Variants in C12orf42 observed in about 807,000 individuals in gnomAD.
C12orf42 encodes uncharacterized protein C12orf42.
A neutral mutation model predicts 21.6 loss-of-function variants in C12orf42; 25 were observed. The observed-to-expected ratio is 1.16, with a 90% CI of 0.84 to 1.62. C12orf42 has a LOEUF of 1.62. C12orf42 is among the 40% of genes most tolerant of loss of function. The pLI, the probability that C12orf42 is intolerant of heterozygous loss-of-function variation, is 0.00. For synonymous variants in C12orf42, 174 were observed against 175.0 expected (o/e 0.99, Z 0.05); for missense variants, 483 against 459.3 (o/e 1.05, Z -0.47).
chr12:103,344,128 C>T (rs2042408874), intron 4 of C12orf42, among the ~76,000 whole-genome samples: 1 of 152,118 alleles, frequency 6.6e-6, no homozygotes, highest in Non-Finnish European at 1.5e-5. Flanking sequence ...TACAGCTGTG[C>T]AAAATCAAGT....
chr12:103,527,985 A>G, the C12orf42 span, among the ~76,000 whole-genome samples: 1 of 152,194 alleles, frequency 6.6e-6, no homozygotes, highest in South Asian at 2.1e-4. Context: ...AATTTTCACA[A>G]TAGCCATTCA....
intron 2 of C12orf42, among the ~76,000 whole-genome samples, chr12:103,447,890 T>G (rs758953130): frequency 6.6e-6 from 1 of 151,876 alleles, no homozygotes; most frequent in Non-Finnish European, 1.5e-5. Context: ...ACAAATTCAA[T>G]GCAATTCCCA....
At chr12:103,390,137 A>T (rs146178074) in intron 3 of C12orf42, among the ~76,000 whole-genome samples, 12 of 152,208 alleles carry the variant, frequency 7.9e-5, no homozygotes, top group African/African-American at 2.9e-4. Flanking sequence ...TCTGTATGTG[A>T]TATAAGAGAT....
chr12:103,134,457 T>C, the C12orf42 span, among the ~76,000 whole-genome samples: 1 of 151,898 alleles, frequency 6.6e-6, no homozygotes, highest in Non-Finnish European at 1.5e-5. Context: ...GAAAAATTCA[T>C]TAAACGAAAT....
chr12:103,153,639 C>A, the C12orf42 span, among the ~76,000 whole-genome samples: 1 of 151,778 alleles, frequency 6.6e-6, no homozygotes, highest in Non-Finnish European at 1.5e-5. Flanking sequence ...CTAGGATGAC[C>A]AAAATAAAAA....
At chr12:103,407,552 T>C (rs2048515448) in intron 2 of C12orf42, among the ~76,000 whole-genome samples, 1 of 152,188 alleles carries the variant, frequency 6.6e-6, no homozygotes, top group African/African-American at 2.4e-5. Context: ...CTTTTCTCTA[T>C]CTTACTTTAA....
chr12:103,394,210 G>A (rs1339959480), intron 3 of C12orf42, among the ~76,000 whole-genome samples: 1 of 152,196 alleles, frequency 6.6e-6, no homozygotes. Flanking sequence ...TCAGAGAGGA[G>A]ATTGAGAATG....
chr12:103,221,730 C>A, the C12orf42 span, among the ~76,000 whole-genome samples: 23 of 152,294 alleles, frequency 1.5e-4, no homozygotes, highest in African/African-American at 5.5e-4. Flanking sequence ...ACAAACCCAT[C>A]CTTCAGTAAG....
chr12:103,532,337 C>G, the C12orf42 span, among the ~76,000 whole-genome samples: 1 of 152,116 alleles, frequency 6.6e-6, no homozygotes, highest in Admixed American at 6.6e-5. Context: ...AGTAGAAACA[C>G]TCTAGATACC....
chr12:103,223,761 C>T, the C12orf42 span, among the ~76,000 whole-genome samples: 1 of 152,108 alleles, frequency 6.6e-6, no homozygotes, highest in Admixed American at 6.5e-5. Flanking sequence ...TAAAAAGGAG[C>T]ATCTATACAG....
upstream of C12orf42, among the ~76,000 whole-genome samples, chr12:103,498,959 C>CA (rs1244760561): frequency 6.6e-6 from 1 of 151,804 alleles, no homozygotes; most frequent in Admixed American, 6.6e-5. Context: ...ATAGATGCAG[C>CA]AAACCACCAT....
chr12:103,333,050 A>T (rs1051329946), intron 4 of C12orf42, among the ~76,000 whole-genome samples: 5 of 152,002 alleles, frequency 3.3e-5, no homozygotes, highest in Non-Finnish European at 5.9e-5. Context: ...TCAGGCCTTT[A>T]AAAAAAATGG....
the C12orf42 span, among the ~76,000 whole-genome samples, chr12:103,543,891 G>GTTTTGTTT: frequency 4.3e-5 from 2 of 46,394 alleles, no homozygotes; most frequent in Admixed American, 3.3e-4. Context: ...TTTTTTTTTT[G>GTTTTGTTT]TTTTGTTTTT....
upstream of C12orf42, among the ~76,000 whole-genome samples, chr12:103,500,623 T>C (rs2138286357): frequency 6.6e-6 from 1 of 152,308 alleles, no homozygotes; most frequent in African/African-American, 2.4e-5. Flanking sequence ...TAAATATTAA[T>C]CAGATGAGAA....
chr12:103,294,583 G>GGAAGGAAGGAAGGAAGGAAA (rs1300203895), intron 4 of C12orf42, among the ~76,000 whole-genome samples: 14 of 80,354 alleles, frequency 1.7e-4, no homozygotes, highest in East Asian at 3.3e-4. Flanking sequence ...AAGGAAGGAA[G>GGAAGGAAGGAAGGAAGGAAA]GAAAGAAAGA....
At chr12:103,049,107 T>C in the C12orf42 span, among the ~76,000 whole-genome samples, 1 of 152,202 alleles carries the variant, frequency 6.6e-6, no homozygotes, top group African/African-American at 2.4e-5. Context: ...CATATATCTA[T>C]GGCTCAGACC....
chr12:103,523,305 T>C, the C12orf42 span, among the ~76,000 whole-genome samples: 2 of 152,184 alleles, frequency 1.3e-5, no homozygotes, highest in African/African-American at 2.4e-5. Flanking sequence ...CCTATGTGTA[T>C]ACATGCTGTT....
chr12:103,135,215 A>G, the C12orf42 span, among the ~76,000 whole-genome samples: 1 of 152,102 alleles, frequency 6.6e-6, no homozygotes, highest in Non-Finnish European at 1.5e-5. Flanking sequence ...AGCACTGTTG[A>G]AGATAGACGC....
At chr12:103,448,989 G>A (rs1346516744) in intron 2 of C12orf42, among the ~76,000 whole-genome samples, 1 of 151,888 alleles carries the variant, frequency 6.6e-6, no homozygotes, top group Non-Finnish European at 1.5e-5. Flanking sequence ...AAAGATACTT[G>A]CACACACATG....
Sources: allele counts gnomAD v4.1 joint callset (sites outside exome capture counted in the v4.1 genomes callset), GRCh38; gene constraint gnomAD v4.1.1; transcripts MANE v1.5; gene names NCBI Gene and HGNC (gene_info 2026-07-23, HGNC 2026-07-21).